Variants in DIP2C observed in about 807,000 individuals in gnomAD.
The protein encoded by DIP2C is DIP2 acetate--CoA ligase C (putative).
Under a neutral mutation model 192.4 loss-of-function variants are expected in DIP2C, and 33 were observed. The observed-to-expected ratio is 0.17, with a 90% CI of 0.13 to 0.23. The LOEUF is 0.23. Among genes scored for constraint, DIP2C ranks in the 10% least tolerant of loss-of-function variants. DIP2C has a pLI of 1.00. For synonymous variants in DIP2C, 979 were observed against 864.1 expected, an observed-to-expected ratio of 1.13 and a Z score of -2.33; for missense variants, 1,537 against 2,110.1, an observed-to-expected ratio of 0.73 and a Z score of 5.32.
chr10:323,476 G>GT, intron 31 of DIP2C, among the ~76,000 whole-genome samples: 1 of 12,060 alleles, frequency 8.3e-5, no homozygotes, highest in African/African-American at 1.0e-4. Context: ...TTGTTAGAAC[G>GT]CAGTCAGTCT....
At chr10:514,529 G>GC (rs917061193) in intron 1 of DIP2C, among the ~76,000 whole-genome samples, 12 of 152,172 alleles carry the variant, frequency 7.9e-5, no homozygotes, top group African/African-American at 2.7e-4. Context: ...CTGTCTGTGG[G>GC]CCTCACCGCA....
chr10:284,056 A>G (rs1047391026), intron 34 of DIP2C, among the ~76,000 whole-genome samples: 1 of 152,184 alleles, frequency 6.6e-6, no homozygotes, highest in Non-Finnish European at 1.5e-5. Context: ...GGCTGGGTAA[A>G]AGCAAAACCA....
chr10:286,215 GC>G (rs1955117232), intron 34 of DIP2C, 57 bp downstream of exon 34: 1 of 1,545,070 alleles, frequency 6.5e-7, no homozygotes, highest in African/African-American at 1.4e-5. Context: ...TGGTGTCAAG[GC>G]AAGCCAAGGA....
At chr10:599,584 C>G (rs141271058) in intron 1 of DIP2C, among the ~76,000 whole-genome samples, 1 of 152,046 alleles carries the variant, frequency 6.6e-6, no homozygotes, top group Non-Finnish European at 1.5e-5. Context: ...AGGAAAATGA[C>G]GACATGTTAA....
chr10:424,121 G>A (rs1470975048), intron 4 of DIP2C, among the ~76,000 whole-genome samples: 2 of 152,182 alleles, frequency 1.3e-5, no homozygotes, highest in African/African-American at 2.4e-5. Context: ...CCTACCTCCA[G>A]GTGAGTTATG....
chr10:439,250 G>T (rs1008418227), intron 4 of DIP2C, among the ~76,000 whole-genome samples: 2 of 151,100 alleles, frequency 1.3e-5, no homozygotes, highest in Non-Finnish European at 2.9e-5. Flanking sequence ...CTAGCACGGC[G>T]TTCACTCCCT....
chr10:366,500 C>T (rs1960230445), intron 18 of DIP2C, 89 bp from the exon 19 acceptor site: 1 of 1,574,010 alleles, frequency 6.4e-7, no homozygotes, highest in South Asian at 1.1e-5. Flanking sequence ...ATGAACGACA[C>T]CAGTGAACAG....
At chr10:512,391 T>C (rs1309728743) in intron 1 of DIP2C, among the ~76,000 whole-genome samples, 1 of 151,830 alleles carries the variant, frequency 6.6e-6, no homozygotes, top group Non-Finnish European at 1.5e-5. Flanking sequence ...AAACCCTGTC[T>C]CTACTAAAAA....
chr10:455,441 C>T (rs370830591), intron 3 of DIP2C, among the ~76,000 whole-genome samples: 16 of 86,342 alleles, frequency 1.9e-4, no homozygotes, highest in Admixed American at 4.4e-4. Flanking sequence ...GAGGGGAGAC[C>T]GTGAGGAGTA....
chr10:484,703 C>CA (rs1564773831), intron 2 of DIP2C: 3 of 1,517,262 alleles, frequency 2.0e-6, no homozygotes, highest in Non-Finnish European at 8.8e-7. Context: ...CACGTCTGTA[C>CA]GGGATGGCAC....
chr10:486,277 G>A (rs1312071890), intron 2 of DIP2C, among the ~76,000 whole-genome samples, 182 bp downstream of exon 2: 1 of 152,224 alleles, frequency 6.6e-6, no homozygotes, highest in Non-Finnish European at 1.5e-5. Flanking sequence ...AAAATCCTCT[G>A]TGCCTTGTAT....
At chr10:487,979 G>C (rs542995028) in intron 1 of DIP2C, among the ~76,000 whole-genome samples, 1 of 152,148 alleles carries the variant, frequency 6.6e-6, no homozygotes, top group Non-Finnish European at 1.5e-5. Flanking sequence ...TGCCCACTAC[G>C]GAGACGCTCA....
At chr10:590,224 G>T (rs1029653417) in intron 1 of DIP2C, among the ~76,000 whole-genome samples, 1 of 152,238 alleles carries the variant, frequency 6.6e-6, no homozygotes, top group Admixed American at 6.5e-5. Context: ...CAGGCCAGGG[G>T]CAACCAAGGT....
intron 7 of DIP2C, 73 bp from the exon 8 acceptor site, chr10:414,183 AAAG>A: frequency 1.3e-6 from 2 of 1,486,866 alleles, no homozygotes; most frequent in South Asian, 1.3e-5. Flanking sequence ...TATTCTTTAT[AAAG>A]AAGCCAAGAG....
At chr10:503,315 C>T (rs1261347508) in intron 1 of DIP2C, among the ~76,000 whole-genome samples, 1 of 152,190 alleles carries the variant, frequency 6.6e-6, no homozygotes, top group Non-Finnish European at 1.5e-5. Flanking sequence ...GGGAAAGAAA[C>T]AGGACAATAA....
intron 1 of DIP2C, among the ~76,000 whole-genome samples, chr10:659,307 G>A (rs1387118920): frequency 6.6e-6 from 1 of 152,086 alleles, no homozygotes; most frequent in East Asian, 1.9e-4. Flanking sequence ...ACACATGCAT[G>A]CATCTGTACA....
chr10:635,208 T>C (rs1001472358), intron 1 of DIP2C, among the ~76,000 whole-genome samples: 4 of 152,276 alleles, frequency 2.6e-5, no homozygotes, highest in South Asian at 2.1e-4. Flanking sequence ...ATGTAGGTGA[T>C]TGGGCCAAAA....
intron 26 of DIP2C, among the ~76,000 whole-genome samples, chr10:347,891 G>A (rs12777462): frequency 0.16 from 1,332 of 8,574 alleles, 71 homozygotes; most frequent in East Asian, 0.19. Flanking sequence ...AACCCCACAC[G>A]CACCCAGACG....
At chr10:579,593 T>C (rs1022327723) in intron 1 of DIP2C, among the ~76,000 whole-genome samples, 16 of 152,130 alleles carry the variant, frequency 1.1e-4, no homozygotes, top group African/African-American at 3.6e-4. Context: ...GCATAGAGCA[T>C]ACACATCCAA....
Sources: allele counts gnomAD v4.1 joint callset (sites outside exome capture counted in the v4.1 genomes callset), GRCh38; gene constraint gnomAD v4.1.1; transcripts MANE v1.5; gene names NCBI Gene and HGNC (gene_info 2026-07-23, HGNC 2026-07-21).